The following CUL4A variants were observed in gnomAD, a reference collection of about 807,000 sequenced individuals.
CUL4A encodes cullin 4A, also known as cullin-4A.
In CUL4A, 16 loss-of-function variants were observed where a neutral mutation model predicts 95.5. The ratio of observed to expected loss-of-function variants is 0.17; its 90% CI spans 0.11 to 0.25. CUL4A has a LOEUF of 0.25. Ranked by LOEUF, CUL4A falls within the 10% of genes least tolerant of loss-of-function variation. The pLI, the probability that CUL4A is intolerant of heterozygous loss-of-function variation, is 1.00. For missense variants in CUL4A, 610 were observed against 937.0 expected (o/e 0.65, Z 4.56); for synonymous variants, 380 against 353.1 (o/e 1.08, Z -0.85).
At chr13:113,233,489 G>A (rs915948285) in intron 6 of CUL4A, 150 bp downstream of exon 6, 21 of 731,578 alleles carry the variant, frequency 2.9e-5, no homozygotes, top group Non-Finnish European at 3.5e-5. Context: ...GGGGAATAGC[G>A]CTCAAGCTAA....
At chr13:113,240,731 T>C (rs1442821296) in intron 10 of CUL4A, among the ~76,000 whole-genome samples, 1 of 152,076 alleles carries the variant, frequency 6.6e-6, no homozygotes, top group Non-Finnish European at 1.5e-5. Flanking sequence ...TGTGTGGTTA[T>C]AAAAGGCCCC....
chr13:113,252,096 G>A lies in CUL4A; in HGVS notation c.1639-986G>A, dbSNP rs1186104293. 3.9e-5 allele frequency among the ~76,000 whole-genome samples: 6 copies of A among 152,278 alleles called. No individual in the cohort carries two copies. In the South Asian group the frequency reaches 6.2e-4, roughly 16 times the overall value. Reference sequence around the variant, plus strand: ...GCATGCAGAAGTCAGGGAAAGCACCGCGCATGGGAGAGTCACACACAGCCT... The same window carrying A: ...GCATGCAGAAGTCAGGGAAAGCACCACGCATGGGAGAGTCACACACAGCCT... On this transcript the variant is annotated intron_variant, in intron 15 of 19. Coordinates refer to ENST00000375440, the MANE Select transcript of CUL4A (RefSeq NM_001008895.4).
At chr13:113,210,165 G>T (rs952258090) in intron 2 of CUL4A, 77 bp downstream of exon 2, 10 of 981,102 alleles carry the variant, frequency 1.0e-5, no homozygotes, top group Non-Finnish European at 1.4e-5. Context: ...CGCTCCGGGT[G>T]CCTCGCAGGC....
In CUL4A at chr13:113,219,040, G is replaced by T; in HGVS notation, c.360G>T (p.Pro120=). 1 of 1,597,962 alleles carries T rather than the reference G, an allele frequency of 6.3e-7. No individual in the cohort carries two copies. The highest frequency in any genetic ancestry group is 8.5e-7 in the Non-Finnish European group (1 of 1,173,424). The change falls in exon 3 of 20, where the codon CCG becomes CCT. Residue 120 remains proline, a synonymous_variant. Coordinates refer to ENST00000375440, the MANE Select transcript of CUL4A (RefSeq NM_001008895.4). ...ACCACGTCCAGGCACAGATCCTTCC[G>T]TTTAGAGAATATCCTTTTTTTGGTT... ...CEDHVQAQIL[P]FREDSLDSVL...
Position 113,266,958 on chromosome 13 carries a change from C to T in CUL4A, c.*3376C>T, listed in dbSNP as rs1356608498. 2 of 152,098 alleles carry T rather than the reference C, an allele frequency of 1.3e-5. No individual in the cohort carries two copies. Among genetic ancestry groups the T allele is most frequent in the Non-Finnish European group, 2.9e-5 (2 of 68,020 alleles). The allele number at this position is 152,098 out of a possible 1,614,324, so 9.4% of individuals were successfully genotyped here. ...GTGGACTAGTCAAGCTAGTTACATC[C>T]ATCACCTCAAATACTTAACATTTTT... On this transcript the variant is annotated 3_prime_UTR_variant, in exon 20 of 20. Transcript: ENST00000375440.
At chr13:113,230,494 G>A (rs1289421831) in intron 5 of CUL4A, among the ~76,000 whole-genome samples, 2 of 152,132 alleles carry the variant, frequency 1.3e-5, no homozygotes, top group Non-Finnish European at 2.9e-5. Flanking sequence ...CTCCTAGTAG[G>A]CATCCATGTG....
At chr13:113,255,469 G>C (rs969778892) in intron 18 of CUL4A, among the ~76,000 whole-genome samples, 19 of 152,166 alleles carry the variant, frequency 1.2e-4, no homozygotes, top group Non-Finnish European at 2.6e-4. Flanking sequence ...ACATTCTGTG[G>C]GTCTGGGTAA....
rs2042407934 is a variant in CUL4A, at chr13:113,267,038, AT to A, written c.*3461del. ...GCAATTTTGAAATGTACAATACTCA[AT>A]TTTTGACTGTATTCACCATGCTGTA... On this transcript the variant is annotated 3_prime_UTR_variant, in exon 20 of 20. Coordinates refer to ENST00000375440, the MANE Select transcript of CUL4A (RefSeq NM_001008895.4). The A allele has an allele frequency of 6.6e-6, 1 of 152,168 alleles. No individual in the cohort carries two copies. Among genetic ancestry groups the A allele is most frequent in the Non-Finnish European group, 1.5e-5 (1 of 68,044 alleles). 9.4% of individuals were successfully genotyped at this position (152,168 alleles called of 1,614,324 possible).
chr13:113,213,049 C>T (rs764387064), intron 2 of CUL4A, among the ~76,000 whole-genome samples: 6 of 152,060 alleles, frequency 3.9e-5, no homozygotes, highest in Middle Eastern at 3.2e-3. Flanking sequence ...TTTTGATTGA[C>T]GGTATATAGA....
At chr13:113,253,059 T>G (rs1005040792) in intron 15 of CUL4A, 23 bp from the exon 16 acceptor site, 2 of 1,273,502 alleles carry the variant, frequency 1.6e-6, no homozygotes, top group African/African-American at 2.9e-5. Context: ...GGCATAATTT[T>G]GTTGTTCTCC....
chr13:113,256,936 T>TG (rs2042142005), intron 18 of CUL4A, among the ~76,000 whole-genome samples: 1 of 137,330 alleles, frequency 7.3e-6, no homozygotes, highest in Non-Finnish European at 1.6e-5. Flanking sequence ...GTTTTTTTTT[T>TG]TTTTTTTTTT....
At position 113,254,807 on chromosome 13, in the gene CUL4A, A is replaced by G. The variant is rs749078928; in HGVS notation, c.1858+9A>G. On this transcript the variant is annotated intron_variant, in intron 17 of 19. Transcript: ENST00000375440. ...AATGGCCACGGGGATAGGTACGAAAACTGCAGAGTGCATAGCTCCATGAGT... is the reference window on the plus strand; with the variant it reads ...AATGGCCACGGGGATAGGTACGAAAGCTGCAGAGTGCATAGCTCCATGAGT... 2 of 1,607,756 alleles carry G rather than the reference A, an allele frequency of 1.2e-6. No homozygotes were observed. The highest frequency in any genetic ancestry group is 1.7e-6 in the Non-Finnish European group (2 of 1,174,750).
Position 113,243,045 on chromosome 13 carries a change from G to A in CUL4A, c.1113G>A (p.Lys371=). Residue 371 remains lysine, a synonymous_variant, in exon 11 of 20, where the codon AAG becomes AAA. Coordinates refer to ENST00000375440, the MANE Select transcript of CUL4A (RefSeq NM_001008895.4). ...MVQDLLDFKD[K]VDHVIEVCFQ... is the part of the protein sequence containing the mutation. ...AAGACCTGTTGGACTTCAAGGACAA[G>A]GTGGACCACGTGATCGAGGTCTGCT... 1.2e-6 allele frequency: 2 copies of A among 1,614,144 alleles called. No individual in the cohort carries two copies. Among genetic ancestry groups the A allele is most frequent in the Non-Finnish European group, 1.7e-6 (2 of 1,179,986 alleles).
intron 10 of CUL4A, among the ~76,000 whole-genome samples, chr13:113,241,779 C>T (rs2041718733): frequency 6.6e-6 from 1 of 151,950 alleles, no homozygotes; most frequent in African/African-American, 2.4e-5. Flanking sequence ...TCCCAAAGTG[C>T]TGGGATTACA....
Position 113,229,439 on chromosome 13 carries a change from T to C in CUL4A, c.439-7T>C. ...ATAAGTAAATGGTTCTCCTTTCTGC[T>C]GGTCAGATCATGATCAGAAGCATCT... On this transcript the variant is annotated splice_region_variant and splice_polypyrimidine_tract_variant and intron_variant, in intron 4 of 19. Coordinates refer to ENST00000375440, the MANE Select transcript of CUL4A (RefSeq NM_001008895.4). 2 of 1,612,956 alleles carry C rather than the reference T, an allele frequency of 1.2e-6. No homozygotes were observed. The highest frequency in any genetic ancestry group is 1.3e-5 in the African/African-American group (1 of 75,068).
At chr13:113,221,377 C>T (rs774329252) in intron 3 of CUL4A, among the ~76,000 whole-genome samples, 1 of 152,228 alleles carries the variant, frequency 6.6e-6, no homozygotes, top group African/African-American at 2.4e-5. Context: ...CAGCACACCA[C>T]AGCCTTCCAT....
Position 113,254,678 on chromosome 13 carries a change from G to T in CUL4A, c.1753-15G>T, listed in dbSNP as rs201636299. ...ATGCACAGCTTCAGAGGTGTGATGA[G>T]GCCTTCTCTTCCAGGGGAAGAAGGA... On this transcript the variant is annotated splice_polypyrimidine_tract_variant and intron_variant, in intron 16 of 19. Transcript: ENST00000375440. 215 of 1,530,452 alleles carry T rather than the reference G, an allele frequency of 1.4e-4. No homozygotes were observed. In the African/African-American group the frequency reaches 2.8e-3, roughly 20 times the overall value. 94.8% of individuals were successfully genotyped at this position (1,530,452 alleles called of 1,614,324 possible). A position where few individuals can be genotyped will look rare whatever the true frequency, so the allele number is the denominator to read the frequency against.
intron 10 of CUL4A, 35 bp from the exon 11 acceptor site, chr13:113,242,933 C>T: frequency 6.5e-7 from 1 of 1,543,286 alleles, no homozygotes; most frequent in Non-Finnish European, 8.9e-7. Context: ...CTATTGTAAA[C>T]ATGTTGCTGA....
At chr13:113,226,625 C>G (rs1160213891) in intron 3 of CUL4A, among the ~76,000 whole-genome samples, 1 of 152,182 alleles carries the variant, frequency 6.6e-6, no homozygotes, top group African/African-American at 2.4e-5. Flanking sequence ...AATACACATT[C>G]TAAGAGTCAA....
Sources: gnomAD v4.1 joint callset for allele counts (sites outside exome capture counted in the v4.1 genomes callset) on GRCh38, gnomAD v4.1.1 for gene constraint, MANE v1.5 for transcripts, NCBI Gene and HGNC (gene_info 2026-07-23, HGNC 2026-07-21) for gene names.